Variants in ZNF670 observed in about 807,000 individuals in gnomAD.
ZNF670 encodes zinc finger protein 670.
ZNF670 carries 7 observed loss-of-function variants against 10.9 expected under a neutral mutation model. The ratio of observed to expected loss-of-function variants is 0.64; its 90% confidence interval spans 0.36 to 1.20. ZNF670 has a LOEUF of 1.20. Ranked by LOEUF, ZNF670 falls within the 50% of genes most tolerant of loss-of-function variation. The pLI is 0.02. For missense variants in ZNF670, 446 were observed against 458.6 expected, an observed-to-expected ratio of 0.97 and a Z score of 0.25; for synonymous variants, 136 against 152.7, an observed-to-expected ratio of 0.89 and a Z score of 0.81.
At chr1:247,038,490 C>T (rs1670222014) in intron 3 of ZNF670, 63 bp from the exon 4 acceptor site, 1 of 1,487,802 alleles carries the variant, frequency 6.7e-7, no homozygotes, top group Non-Finnish European at 8.9e-7. Context: ...CTACTAATAC[C>T]ATGGAAAATG....
intron 1 of ZNF670, among the ~76,000 whole-genome samples, chr1:247,073,888 C>T (rs1236735871): frequency 1.3e-5 from 2 of 152,060 alleles, no homozygotes; most frequent in Admixed American, 6.6e-5. Context: ...ACAACTATGC[C>T]CAGAACTCAG....
At chr1:247,042,076 C>T (rs942887506) in intron 1 of ZNF670, among the ~76,000 whole-genome samples, 1 of 152,106 alleles carries the variant, frequency 6.6e-6, no homozygotes, top group Non-Finnish European at 1.5e-5. Context: ...AAACTCTTGA[C>T]AAATGTTTTA....
chr1:247,055,175 C>G (rs1670686428), intron 1 of ZNF670, among the ~76,000 whole-genome samples: 1 of 152,234 alleles, frequency 6.6e-6, no homozygotes, highest in African/African-American at 2.4e-5. Context: ...CACCTTTGTC[C>G]TTTGTATAAC....
Position 247,039,397 on chromosome 1 carries a change from G to A in ZNF670, c.130+14C>T. ...GTTGTAATCAACTACGTGAATAAGT[G>A]TTGTTATTCTTACCTACAGAAGCCA... On this transcript the variant is annotated intron_variant, in intron 2 of 3. Coordinates refer to ENST00000366503, the MANE Select transcript of ZNF670 (RefSeq NM_033213.5). 1 of 1,602,804 alleles carries A rather than the reference G, an allele frequency of 6.2e-7. No individual in the cohort carries two copies. The highest frequency in any genetic ancestry group is 1.4e-5 in the African/African-American group (1 of 73,880).
At chr1:247,045,787 G>A (rs1393162434) in intron 1 of ZNF670, among the ~76,000 whole-genome samples, 1 of 152,172 alleles carries the variant, frequency 6.6e-6, no homozygotes, top group Non-Finnish European at 1.5e-5. Flanking sequence ...GAAAAAGACA[G>A]GGAGATGAGG....
Position 247,039,532 on chromosome 1 carries a change from T to C in ZNF670, c.9A>G (p.Ser3=), listed in dbSNP as rs768944190. The change falls in exon 2 of 4, where the codon TCA becomes TCG. Residue 3 remains serine (S), a synonymous_variant. Coordinates refer to ENST00000366503, the MANE Select transcript of ZNF670 (RefSeq NM_033213.5). The part of the protein sequence containing the change: MD[S]VSFEDVAVAF... ...CCACAGCCACATCTTCAAATGACAC[T>C]GAATCCTAGAATATCGCACATATGT... 7 of 1,589,140 alleles carry C rather than the reference T, an allele frequency of 4.4e-6. No homozygotes were observed. Among genetic ancestry groups the C allele is most frequent in the Non-Finnish European group, 6.0e-6 (7 of 1,170,948 alleles).
At chr1:247,043,629 C>A in intron 1 of ZNF670, 1 of 555,100 alleles carries the variant, frequency 1.8e-6, no homozygotes, top group South Asian at 1.5e-5. Flanking sequence ...CATCAAAAAT[C>A]AAAATGTGGA....
chr1:247,066,102 A>G (rs1364732478), intron 1 of ZNF670, among the ~76,000 whole-genome samples: 6 of 152,244 alleles, frequency 3.9e-5, no homozygotes, highest in Non-Finnish European at 8.8e-5. Flanking sequence ...GAGAGTCAAG[A>G]TGGTCAACCA....
chr1:247,050,597 A>G (rs1670569441), intron 1 of ZNF670, among the ~76,000 whole-genome samples: 1 of 151,348 alleles, frequency 6.6e-6, no homozygotes, highest in South Asian at 2.1e-4. Context: ...TGCCTCAGCC[A>G]CCCGAATAGC....
At chr1:247,042,966 C>T in intron 1 of ZNF670, 1 of 715,548 alleles carries the variant, frequency 1.4e-6, no homozygotes, top group Non-Finnish European at 2.6e-6. Context: ...GATACCAATC[C>T]TTCAACAACC....
In ZNF670 at chr1:247,042,955, C is replaced by T. The variant is rs548112736; in HGVS notation, c.4-3418G>A. The T allele has an allele frequency of 5.8e-4, 408 of 700,970 alleles. 4 individuals are homozygous for T. Among genetic ancestry groups the T allele is most frequent in the South Asian group, 5.8e-3 (396 of 68,160 alleles). The allele number at this position is 700,970 out of a possible 1,614,324, so 43.4% of individuals were successfully genotyped here. A position where few individuals can be genotyped will look rare whatever the true frequency, so the allele number is the denominator to read the frequency against. On this transcript the variant is annotated intron_variant, in intron 1 of 3. Transcript: ENST00000366503. ...TCACATTGAAAGATGACATTACATT[C>T]GATACCAATCCTTCAACAACCAGAG... is the stretch of plus-strand genomic sequence containing the variant.
chr1:247,037,699 T>C lies in ZNF670; in HGVS notation c.920A>G (p.Lys307Arg). 1 of 1,613,982 alleles carries C rather than the reference T, an allele frequency of 6.2e-7. No homozygotes were observed. The highest frequency in any genetic ancestry group is 8.5e-7 in the Non-Finnish European group (1 of 1,179,976). Residue 307 changes from lysine to arginine, a missense_variant, in exon 4 of 4, where the codon AAG (lysine) becomes AGG (arginine). By Grantham distance (26) the Lys-to-Arg change is conservative. Transcript: ENST00000366503. ...RVHERTHSGEKPYECKQCGKA... is the reference protein window; with the variant it reads ...RVHERTHSGERPYECKQCGKA... Reference sequence around the variant, plus strand: ...ACCACATTGTTTACATTCATAGGGCTTTTCTCCACTGTGAGTCCTTTCATG... The same window carrying C: ...ACCACATTGTTTACATTCATAGGGCCTTTCTCCACTGTGAGTCCTTTCATG...
At position 247,075,618 on chromosome 1, in the gene ZNF670, CTG is replaced by C. The variant is rs373607569; in HGVS notation, c.3+2974_3+2975del. Among the ~76,000 whole-genome samples the C allele has an allele frequency of 2.6e-3, 402 of 152,096 alleles. 4 individuals are homozygous for C. Among genetic ancestry groups the C allele is most frequent in the African/African-American group, 9.4e-3 (389 of 41,388 alleles). The stretch of plus-strand genomic sequence containing the variant: ...TCATGAGATCTGATGGTTTTAAAAA[CTG>C]GAGTTTCCCTGCACAAGCTCTCTCT... On this transcript the variant is annotated intron_variant, in intron 1 of 3. Transcript: ENST00000366503.
rs534211008 is a variant in ZNF670 at position 247,065,844 on chromosome 1, T to G, written c.3+12750A>C. ...TATGAAGGGTCAGTTTATCCATACA[T>G]TCCACTGGCATTTTCTAGCAAATGT... On this transcript the variant is annotated intron_variant, in intron 1 of 3. Coordinates refer to ENST00000366503, the MANE Select transcript of ZNF670 (RefSeq NM_033213.5). Among the ~76,000 whole-genome samples, 4 of 152,336 alleles carry G rather than the reference T, an allele frequency of 2.6e-5. No individual in the cohort carries two copies. The East Asian group carries it at 7.7e-4, about 29-fold the overall frequency.
In ZNF670 at chr1:247,072,318, G is replaced by T. The variant is rs867903098; in HGVS notation, c.3+6276C>A. 8.8e-3 allele frequency among the ~76,000 whole-genome samples: 1,212 copies of T among 138,438 alleles called. 11 individuals are homozygous for T. Among genetic ancestry groups the T allele is most frequent in the Non-Finnish European group, 0.012 (784 of 63,160 alleles). The allele number at this position is 138,438 out of a possible 152,430, so 90.8% of individuals were successfully genotyped here. ...GCTCCGCACTGCCATGCCTGGTTTT[G>T]TTTTTTTTTTTTTTAAAGTTCAGGC... On this transcript the variant is annotated intron_variant, in intron 1 of 3. Coordinates refer to ENST00000366503, the MANE Select transcript of ZNF670 (RefSeq NM_033213.5).
chr1:247,069,957 C>T (rs1369548003), intron 1 of ZNF670, among the ~76,000 whole-genome samples: 14 of 151,972 alleles, frequency 9.2e-5, no homozygotes, highest in African/African-American at 3.4e-4. Context: ...TTATAGTCAG[C>T]AATAATTTAA....
rs748675806 is a variant in ZNF670, at chr1:247,038,100, C to T, written c.519G>A (p.Val173=). 7 of 1,614,074 alleles carry T rather than the reference C, an allele frequency of 4.3e-6. No homozygotes were observed. The East Asian group carries it at 1.6e-4, about 36-fold the overall frequency. Residue 173 remains valine (V), a synonymous_variant, in exon 4 of 4, where the codon GTG becomes GTA. Coordinates refer to ENST00000366503, the MANE Select transcript of ZNF670 (RefSeq NM_033213.5). ...TAGGAAAATCAAAAGGCTTCTCATA[C>T]ACTGGACCCTTATAAGGCCCATTAC... ...HTSNGPYKGP[V]YEKPFDFPSV...
At chr1:247,040,474 C>T (rs1670277642) in intron 1 of ZNF670, among the ~76,000 whole-genome samples, 1 of 152,026 alleles carries the variant, frequency 6.6e-6, no homozygotes. Context: ...CCAAAACAGA[C>T]ACTTTATTAG....
At chr1:247,051,104 C>T (rs915836457) in intron 1 of ZNF670, among the ~76,000 whole-genome samples, 3 of 151,492 alleles carry the variant, frequency 2.0e-5, no homozygotes, top group Non-Finnish European at 4.4e-5. Flanking sequence ...GTCAGGAGAT[C>T]GAGACCATCC....
Sources: allele counts gnomAD v4.1 joint callset (sites outside exome capture counted in the v4.1 genomes callset), GRCh38; gene constraint gnomAD v4.1.1; transcripts MANE v1.5; gene names NCBI Gene and HGNC (gene_info 2026-07-23, HGNC 2026-07-21).